The following HPSE2 variants were observed in gnomAD, a reference collection of about 807,000 sequenced individuals.
The protein encoded by HPSE2 is heparanase 2 (inactive).
Under a neutral mutation model 60.5 loss-of-function variants are expected in HPSE2, and 38 were observed. The ratio of observed to expected loss-of-function variants is 0.63; its 90% CI spans 0.48 to 0.82. HPSE2 has a LOEUF of 0.82. HPSE2 is among the 40% of genes least tolerant of loss of function. HPSE2 has a pLI of 0.00. For synonymous variants in HPSE2, 295 were observed against 293.2 expected (o/e 1.01, Z -0.06); for missense variants, 713 against 740.4 (o/e 0.96, Z 0.43).
At chr10:98,597,585 C>T (rs781559650) in intron 9 of HPSE2, among the ~76,000 whole-genome samples, 1 of 151,002 alleles carries the variant, frequency 6.6e-6, no homozygotes, top group Admixed American at 6.6e-5. Flanking sequence ...GCAGAAGAAT[C>T]GTTTGAACCC....
At chr10:98,653,052 G>A (rs1946960403) in intron 6 of HPSE2, among the ~76,000 whole-genome samples, 1 of 152,132 alleles carries the variant, frequency 6.6e-6, no homozygotes, top group South Asian at 2.1e-4. Flanking sequence ...TCTGTTGTTA[G>A]ATGCATACAT....
chr10:99,020,799 G>A (rs1442224039), intron 3 of HPSE2, among the ~76,000 whole-genome samples: 3 of 152,180 alleles, frequency 2.0e-5, no homozygotes, highest in East Asian at 3.9e-4. Context: ...CTGGGGACAG[G>A]TGAAGGGAGA....
rs1232949247 is a variant in HPSE2 at position 98,699,670 on chromosome 10, G to C, written c.957-5723C>G. Among the ~76,000 whole-genome samples the C allele has an allele frequency of 9.5e-5, 12 of 126,040 alleles. No individual in the cohort carries two copies. The East Asian group carries it at 3.1e-3, about 32-fold the overall frequency. The allele number at this position is 126,040 out of a possible 152,430, so 82.7% of individuals were successfully genotyped here. On this transcript the variant is annotated intron_variant, in intron 5 of 11. Transcript: ENST00000370552. ...AATTAGGCAGGAGAAGGAAATAAAG[G>C]GTATTCAATTAGGAAAAGGGGAAGT...
chr10:99,060,879 G>A lies in HPSE2; in HGVS notation c.610+83359C>T, dbSNP rs189417504. Among the ~76,000 whole-genome samples the A allele has an allele frequency of 2.8e-4, 43 of 152,032 alleles. No individual in the cohort carries two copies. In the East Asian group the frequency reaches 4.6e-3, roughly 16 times the overall value. On this transcript the variant is annotated intron_variant, in intron 3 of 11. Transcript: ENST00000370552. ...TTTGCATGTTCTCACTTACTTGTGC[G>A]AACTAAAAATTAAAACAAATGAATT...
rs552014121 is a variant in HPSE2, at chr10:98,853,113, T to A, written c.611-109057A>T. 8.0e-4 allele frequency among the ~76,000 whole-genome samples: 122 copies of A among 152,338 alleles called. 1 individual carries two copies. Among genetic ancestry groups the A allele is most frequent in the African/African-American group, 2.8e-3 (115 of 41,568 alleles). On this transcript the variant is annotated intron_variant, in intron 3 of 11. Coordinates refer to ENST00000370552, the MANE Select transcript of HPSE2 (RefSeq NM_021828.5). Reference sequence around the variant, plus strand: ...TGTCACAGAGACATTTTCATAAATATCTTTGTCATTAATCTTCTTTGAAAA... The same window carrying A: ...TGTCACAGAGACATTTTCATAAATAACTTTGTCATTAATCTTCTTTGAAAA...
At chr10:99,142,268 T>C (rs560509731) in intron 3 of HPSE2, among the ~76,000 whole-genome samples, 5 of 152,338 alleles carry the variant, frequency 3.3e-5, no homozygotes, top group African/African-American at 9.6e-5. Flanking sequence ...TGTTTAAATA[T>C]TATGTTTAGC....
chr10:98,558,828 A>C (rs1380158060), intron 9 of HPSE2, among the ~76,000 whole-genome samples: 1 of 152,218 alleles, frequency 6.6e-6, no homozygotes, highest in African/African-American at 2.4e-5. Flanking sequence ...TCACCAAAAA[A>C]TACATATTTC....
intron 3 of HPSE2, among the ~76,000 whole-genome samples, chr10:99,113,075 A>G (rs973982865): frequency 6.6e-6 from 1 of 152,198 alleles, no homozygotes; most frequent in African/African-American, 2.4e-5. Context: ...TATCTGAGAC[A>G]TGAGCTTATT....
chr10:98,560,058 T>C (rs530196545), intron 9 of HPSE2, among the ~76,000 whole-genome samples: 11 of 152,184 alleles, frequency 7.2e-5, no homozygotes, highest in African/African-American at 2.7e-4. Context: ...CAGACTTTAC[T>C]GTATAGGTAG....
intron 3 of HPSE2, among the ~76,000 whole-genome samples, chr10:98,822,164 T>G (rs941178342): frequency 6.6e-6 from 1 of 152,180 alleles, no homozygotes; most frequent in Non-Finnish European, 1.5e-5. Context: ...TTTCAAGGGC[T>G]GCCAAATAGT....
intron 9 of HPSE2, among the ~76,000 whole-genome samples, chr10:98,599,114 G>A (rs1325350890): frequency 6.6e-6 from 1 of 152,094 alleles, no homozygotes; most frequent in Non-Finnish European, 1.5e-5. Context: ...TGGAGCTTGG[G>A]GCCACAGAGA....
intron 3 of HPSE2, among the ~76,000 whole-genome samples, chr10:98,774,104 CTTTTGGATAAA>C (rs1950294423): frequency 6.6e-6 from 1 of 152,028 alleles, no homozygotes; most frequent in South Asian, 2.1e-4. Context: ...TTTGGATCAA[CTTTTGGATAAA>C]TATATATACT....
intron 3 of HPSE2, among the ~76,000 whole-genome samples, chr10:98,895,257 G>A (rs1053300227): frequency 1.3e-5 from 2 of 151,988 alleles, no homozygotes; most frequent in African/African-American, 4.8e-5. Flanking sequence ...GAAAAAAATA[G>A]CATATAGAAA....
chr10:99,280,412 T>C, the HPSE2 span, among the ~76,000 whole-genome samples: 1 of 152,228 alleles, frequency 6.6e-6, no homozygotes, highest in Non-Finnish European at 1.5e-5. Flanking sequence ...TAGTAATGCC[T>C]CAAATGTACC....
chr10:99,151,592 A>T (rs1164342689), intron 2 of HPSE2, among the ~76,000 whole-genome samples: 1 of 152,196 alleles, frequency 6.6e-6, no homozygotes, highest in Non-Finnish European at 1.5e-5. Context: ...GATAAAAAGA[A>T]AATCTTAAAA....
At chr10:98,495,615 T>C (rs1301790228) in intron 9 of HPSE2, among the ~76,000 whole-genome samples, 1 of 152,282 alleles carries the variant, frequency 6.6e-6, no homozygotes. Flanking sequence ...TCCACTGTCT[T>C]TGAATTTGCT....
At chr10:99,197,263 T>C (rs762104913) in intron 2 of HPSE2, among the ~76,000 whole-genome samples, 3 of 152,036 alleles carry the variant, frequency 2.0e-5, no homozygotes, top group Non-Finnish European at 4.4e-5. Flanking sequence ...AGATGGTTAA[T>C]GGGTACAAAA....
At chr10:99,260,325 G>A in the HPSE2 span, among the ~76,000 whole-genome samples, 9 of 151,858 alleles carry the variant, frequency 5.9e-5, no homozygotes, top group Non-Finnish European at 1.0e-4. Context: ...ACAGATGCGC[G>A]TGACATTTGG....
the HPSE2 span, among the ~76,000 whole-genome samples, chr10:99,312,903 T>C: frequency 1.3e-5 from 2 of 152,212 alleles, no homozygotes; most frequent in African/African-American, 4.8e-5. Flanking sequence ...CACTGGATAA[T>C]GGAGATGGGC....
Sources: gnomAD v4.1 joint callset for allele counts (sites outside exome capture counted in the v4.1 genomes callset) on GRCh38, gnomAD v4.1.1 for gene constraint, MANE v1.5 for transcripts, NCBI Gene and HGNC (gene_info 2026-07-23, HGNC 2026-07-21) for gene names.